The following ANAPC1 variants were observed in gnomAD, a reference collection of about 807,000 sequenced individuals.
ANAPC1 encodes the protein anaphase-promoting complex subunit 1.
ANAPC1 carries 36 observed loss-of-function variants against 208.0 expected under a neutral mutation model. The ratio of observed to expected loss-of-function variants is 0.17; its 90% confidence interval spans 0.13 to 0.23. The LOEUF is 0.23. Ranked by LOEUF, ANAPC1 falls within the 10% of genes least tolerant of loss-of-function variation. The probability of loss-of-function intolerance (pLI) is 1.00; values close to 1 mark genes in which losing one functional copy is unlikely to be tolerated. For missense variants in ANAPC1, 942 were observed against 2,011.6 expected (o/e 0.47, Z 10.17); for synonymous variants, 378 against 695.2 (o/e 0.54, Z 7.18).
intron 6 of ANAPC1, among the ~76,000 whole-genome samples, chr2:111,871,508 T>C (rs1482825148): frequency 1.3e-5 from 2 of 152,186 alleles, no homozygotes; most frequent in African/African-American, 2.4e-5. Context: ...CCCAGCACTT[T>C]GGGAGGCCAA....
chr2:111,769,925 G>A (rs1294554474), intron 47 of ANAPC1, among the ~76,000 whole-genome samples: 18 of 151,380 alleles, frequency 1.2e-4, no homozygotes, highest in African/African-American at 2.4e-5. Flanking sequence ...CTCGTGATCC[G>A]CCCGCCTCGG....
chr2:111,840,222 G>C (rs1238028636), intron 17 of ANAPC1, among the ~76,000 whole-genome samples: 3 of 151,934 alleles, frequency 2.0e-5, no homozygotes, highest in Non-Finnish European at 4.4e-5. Context: ...CAAAAATTGT[G>C]TAACGAGTCA....
At chr2:111,879,403 C>G (rs1348991261) in intron 2 of ANAPC1, among the ~76,000 whole-genome samples, 2 of 152,154 alleles carry the variant, frequency 1.3e-5, no homozygotes, top group East Asian at 3.8e-4. Flanking sequence ...ATATATTCAC[C>G]TTCTTTTCCT....
chr2:111,794,529 A>G (rs531130199), intron 35 of ANAPC1, among the ~76,000 whole-genome samples: 2 of 152,254 alleles, frequency 1.3e-5, no homozygotes, highest in Non-Finnish European at 1.5e-5. Context: ...CCTTGCCTAC[A>G]GTTTCATATG....
At chr2:111,851,826 T>C (rs940875037) in intron 13 of ANAPC1, among the ~76,000 whole-genome samples, 5 of 138,016 alleles carry the variant, frequency 3.6e-5, no homozygotes, top group African/African-American at 1.3e-4. Flanking sequence ...AAAAAAAGAA[T>C]GAGTTGACAA....
chr2:111,879,756 C>T (rs1683200700), intron 2 of ANAPC1, among the ~76,000 whole-genome samples: 1 of 152,058 alleles, frequency 6.6e-6, no homozygotes. Flanking sequence ...CCTGTAATCT[C>T]AGCTACTCGG....
chr2:111,867,426 C>T (rs1388072615), intron 7 of ANAPC1, among the ~76,000 whole-genome samples: 1 of 149,490 alleles, frequency 6.7e-6, no homozygotes, highest in Non-Finnish European at 1.5e-5. Context: ...CACGGTGGCT[C>T]ACCCCTGTAA....
intron 17 of ANAPC1, among the ~76,000 whole-genome samples, chr2:111,842,124 A>C (rs1030060153): frequency 3.9e-5 from 6 of 152,220 alleles, no homozygotes; most frequent in African/African-American, 1.4e-4. Context: ...CACAAGGTAC[A>C]ATTATTAGCT....
chr2:111,867,967 C>A (rs374599174), intron 7 of ANAPC1, 56 bp downstream of exon 7: 4 of 1,232,984 alleles, frequency 3.2e-6, no homozygotes, highest in Non-Finnish European at 3.4e-6. Flanking sequence ...TATAACCTCC[C>A]TCACCAAAGT....
intron 16 of ANAPC1, 32 bp downstream of exon 16, chr2:111,847,106 C>T (rs375189451): frequency 1.3e-6 from 2 of 1,525,634 alleles, no homozygotes; most frequent in East Asian, 2.3e-5. Flanking sequence ...ACAATTACTT[C>T]ATGTCTTATA....
intron 13 of ANAPC1, among the ~76,000 whole-genome samples, chr2:111,855,605 G>T (rs1303915626): frequency 6.6e-6 from 1 of 152,128 alleles, no homozygotes; most frequent in East Asian, 1.9e-4. Context: ...TATATCAGAG[G>T]CGAGTACATG....
At chr2:111,787,438 T>C (rs1447349379) in intron 39 of ANAPC1, among the ~76,000 whole-genome samples, 6 of 151,136 alleles carry the variant, frequency 4.0e-5, no homozygotes, top group African/African-American at 1.5e-4. Context: ...TGGTTATACA[T>C]TGTAGTGTAG....
intron 18 of ANAPC1, among the ~76,000 whole-genome samples, chr2:111,836,450 G>C (rs2104474620): frequency 6.6e-6 from 1 of 151,204 alleles, no homozygotes; most frequent in African/African-American, 2.4e-5. Context: ...AGACCAGCCT[G>C]GGCAACATAT....
intron 17 of ANAPC1, among the ~76,000 whole-genome samples, chr2:111,842,424 A>G (rs1278736818): frequency 6.6e-6 from 1 of 152,106 alleles, no homozygotes; most frequent in Non-Finnish European, 1.5e-5. Flanking sequence ...CGGGCAGATC[A>G]TGAGGTCAGG....
chr2:111,823,692 A>G (rs1679672817), intron 24 of ANAPC1, among the ~76,000 whole-genome samples: 1 of 152,154 alleles, frequency 6.6e-6, no homozygotes, highest in Non-Finnish European at 1.5e-5. Context: ...AGGAACACAT[A>G]TTTACATCTA....
intron 13 of ANAPC1, chr2:111,856,327 AACTTT>A (rs1181498476): frequency 3.2e-5 from 8 of 253,412 alleles, no homozygotes; most frequent in Non-Finnish European, 6.0e-5. Flanking sequence ...TCAATTTCAA[AACTTT>A]AACTTTAAAA....
rs767767639 is a variant in ANAPC1, at chr2:111,769,679, C to CTTTTTTTTTTTTTTTTTTTTTTT, written c.5720-274_5720-273insAAAAAAAAAAAAAAAAAAAAAAA. Among the ~76,000 whole-genome samples, 2 of 83,260 alleles carry CTTTTTTTTTTTTTTTTTTTTTTT rather than the reference C, an allele frequency of 2.4e-5. 1 individual carries two copies. The highest frequency in any genetic ancestry group is 9.3e-5 in the African/African-American group (2 of 21,486). 54.6% of individuals were successfully genotyped at this position (83,260 alleles called of 152,430 possible). A position where few individuals can be genotyped will look rare whatever the true frequency, so the allele number is the denominator to read the frequency against. ...TATCTGCATTACACCTACTGGCTTT[C>CTTTTTTTTTTTTTTTTTTTTTTT]TTTTTTTTTTTTTTTTTTTGGAGAC... On this transcript the variant is annotated intron_variant, in intron 47 of 47. Coordinates refer to ENST00000341068, the MANE Select transcript of ANAPC1 (RefSeq NM_022662.4).
intron 17 of ANAPC1, among the ~76,000 whole-genome samples, chr2:111,838,936 TC>T (rs1260260902): frequency 6.6e-6 from 1 of 152,192 alleles, no homozygotes; most frequent in African/African-American, 2.4e-5. Context: ...CAGTAAACTA[TC>T]TAACAATTCT....
chr2:111,856,060 C>T (rs1362906258), intron 13 of ANAPC1, among the ~76,000 whole-genome samples: 1 of 152,062 alleles, frequency 6.6e-6, no homozygotes, highest in Non-Finnish European at 1.5e-5. Flanking sequence ...ACGGTGAAAC[C>T]CCGTCTCTAC....
Sources: gnomAD v4.1 joint callset for allele counts (sites outside exome capture counted in the v4.1 genomes callset) on GRCh38, gnomAD v4.1.1 for gene constraint, MANE v1.5 for transcripts, NCBI Gene and HGNC (gene_info 2026-07-23, HGNC 2026-07-21) for gene names.